KCNH7: variants seen among roughly 807,000 people sequenced by gnomAD.
KCNH7 encodes potassium voltage-gated channel subfamily H member 7.
KCNH7 carries 49 observed loss-of-function variants against 120.8 expected under a neutral mutation model. That is an observed-to-expected ratio of 0.41 (90% CI 0.32 to 0.51). The LOEUF (loss-of-function observed/expected upper bound fraction) is 0.51, where lower values mean the gene tolerates loss of function less well. Ranked by LOEUF, KCNH7 falls within the 20% of genes least tolerant of loss-of-function variation. The probability of loss-of-function intolerance (pLI) is 0.38; values close to 1 mark genes in which losing one functional copy is unlikely to be tolerated. For missense variants in KCNH7, 1,097 were observed against 1,446.6 expected, an observed-to-expected ratio of 0.76 and a Z score of 3.92; for synonymous variants, 547 against 516.1, an observed-to-expected ratio of 1.06 and a Z score of -0.81.
At chr2:162,786,632 T>C (rs1317138045) in intron 2 of KCNH7, among the ~76,000 whole-genome samples, 1 of 152,202 alleles carries the variant, frequency 6.6e-6, no homozygotes, top group Non-Finnish European at 1.5e-5. Context: ...TAAAATTATG[T>C]CTTCAATTAA....
intron 2 of KCNH7, among the ~76,000 whole-genome samples, chr2:162,833,280 TA>T (rs1410095849): frequency 1.9e-5 from 2 of 106,666 alleles, no homozygotes; most frequent in Non-Finnish European, 4.7e-5. Flanking sequence ...GGGGGCTAAC[TA>T]AAATATTTTT....
chr2:162,414,240 TA>T (rs1484693101), intron 9 of KCNH7, among the ~76,000 whole-genome samples: 3 of 152,074 alleles, frequency 2.0e-5, no homozygotes, highest in East Asian at 3.9e-4. Context: ...ATATAATCTT[TA>T]ACTCAAAAAT....
At chr2:162,783,518 C>T (rs751612747) in intron 2 of KCNH7, among the ~76,000 whole-genome samples, 5 of 152,100 alleles carry the variant, frequency 3.3e-5, no homozygotes, top group South Asian at 2.1e-4. Flanking sequence ...CTGTAGCAGA[C>T]GGAATGTGGT....
intron 2 of KCNH7, among the ~76,000 whole-genome samples, chr2:162,735,309 G>A (rs1041333107): frequency 2.0e-5 from 3 of 152,140 alleles, no homozygotes; most frequent in Non-Finnish European, 2.9e-5. Flanking sequence ...CTCCTTGTTC[G>A]GAGAGTGAAG....
chr2:162,716,240 C>T (rs927813556), intron 2 of KCNH7, among the ~76,000 whole-genome samples: 2 of 152,034 alleles, frequency 1.3e-5, no homozygotes, highest in Non-Finnish European at 1.5e-5. Context: ...ACAAGGCTCT[C>T]GTAGTTCATG....
chr2:162,470,610 C>A (rs574067318), intron 6 of KCNH7, among the ~76,000 whole-genome samples: 3 of 151,400 alleles, frequency 2.0e-5, no homozygotes, highest in Non-Finnish European at 4.4e-5. Flanking sequence ...CCGCCCCATC[C>A]GGGAGGGAGG....
intron 2 of KCNH7, among the ~76,000 whole-genome samples, chr2:162,682,102 A>G (rs999969037): frequency 6.6e-6 from 1 of 151,696 alleles, no homozygotes; most frequent in Non-Finnish European, 1.5e-5. Flanking sequence ...ATGATGTGTC[A>G]GATCTTGGAA....
In KCNH7 at chr2:162,835,922, T is replaced by G. The variant is rs556277605; in HGVS notation, c.307+615A>C. Among the ~76,000 whole-genome samples the G allele has an allele frequency of 3.1e-4, 47 of 152,202 alleles. No homozygotes were observed. The Middle Eastern group carries it at 0.01, about 33-fold the overall frequency. Reference sequence around the variant, plus strand: ...ACTAATAACTCCACAGTATCATAATTTTTTCTACATTTCTTATTTCAGGAC... The same window carrying G: ...ACTAATAACTCCACAGTATCATAATGTTTTCTACATTTCTTATTTCAGGAC... On this transcript the variant is annotated intron_variant, in intron 2 of 15. Transcript: ENST00000332142.
intron 11 of KCNH7, among the ~76,000 whole-genome samples, chr2:162,395,603 G>C (rs892237933): frequency 4.6e-5 from 7 of 151,494 alleles, no homozygotes; most frequent in African/African-American, 1.7e-4. Flanking sequence ...GAATGAGGGT[G>C]GTGACATAAA....
intron 2 of KCNH7, among the ~76,000 whole-genome samples, chr2:162,818,320 C>T (rs1384185416): frequency 6.6e-6 from 1 of 151,932 alleles, no homozygotes; most frequent in African/African-American, 2.4e-5. Context: ...TATTTATTCT[C>T]ATATATTTTT....
intron 6 of KCNH7, among the ~76,000 whole-genome samples, chr2:162,478,872 A>G (rs1558967652): frequency 6.6e-6 from 1 of 152,124 alleles, no homozygotes; most frequent in Non-Finnish European, 1.5e-5. Flanking sequence ...TATGCCCTGG[A>G]ATGCATCCCG....
intron 12 of KCNH7, among the ~76,000 whole-genome samples, chr2:162,388,020 T>C (rs1362484553): frequency 6.6e-6 from 1 of 151,788 alleles, no homozygotes; most frequent in African/African-American, 2.4e-5. Context: ...AAGAAATAAG[T>C]TGAGCAATTC....
chr2:162,527,472 C>A (rs1412158882), intron 3 of KCNH7, among the ~76,000 whole-genome samples: 8 of 151,922 alleles, frequency 5.3e-5, no homozygotes, highest in African/African-American at 1.9e-4. Flanking sequence ...TTCTTTGTTC[C>A]TTAGCTTGAG....
chr2:162,684,387 C>T (rs1288287747), intron 2 of KCNH7, among the ~76,000 whole-genome samples: 1 of 151,882 alleles, frequency 6.6e-6, no homozygotes, highest in Non-Finnish European at 1.5e-5. Context: ...TATAGCAAAA[C>T]AAACTATCAT....
At chr2:162,815,292 A>G (rs1684879544) in intron 2 of KCNH7, among the ~76,000 whole-genome samples, 1 of 152,238 alleles carries the variant, frequency 6.6e-6, no homozygotes, top group Admixed American at 6.5e-5. Context: ...AAAGATTACA[A>G]ATAGATATAA....
At chr2:162,389,326 C>T (rs942797215) in intron 12 of KCNH7, among the ~76,000 whole-genome samples, 15 of 151,938 alleles carry the variant, frequency 9.9e-5, no homozygotes, top group Non-Finnish European at 2.1e-4. Flanking sequence ...CATTCTTTAA[C>T]TACACAGGCC....
intron 2 of KCNH7, among the ~76,000 whole-genome samples, chr2:162,831,140 A>T (rs996895481): frequency 5.9e-5 from 9 of 152,166 alleles, no homozygotes; most frequent in African/African-American, 1.9e-4. Flanking sequence ...GCAATTTGGC[A>T]AATTATTCAG....
intron 2 of KCNH7, among the ~76,000 whole-genome samples, chr2:162,651,172 G>C (rs1684551916): frequency 6.6e-6 from 1 of 152,180 alleles, no homozygotes; most frequent in South Asian, 2.1e-4. Context: ...AAATGTAAGA[G>C]AGAAGTATCT....
chr2:162,572,865 G>A lies in KCNH7; in HGVS notation c.308-35785C>T, dbSNP rs538756005. ...TGAACACTGAGAACACATGGACACC[G>A]GAATGGGAACATCACACTCTGGGGA... On this transcript the variant is annotated intron_variant, in intron 2 of 15. Coordinates refer to ENST00000332142, the MANE Select transcript of KCNH7 (RefSeq NM_033272.4). Among the ~76,000 whole-genome samples the A allele has an allele frequency of 5.3e-5, 8 of 151,836 alleles. No homozygotes were observed. In the East Asian group the frequency reaches 1.4e-3, roughly 26 times the overall value.
Sources: gnomAD v4.1 joint callset for allele counts (sites outside exome capture counted in the v4.1 genomes callset) on GRCh38, gnomAD v4.1.1 for gene constraint, MANE v1.5 for transcripts, NCBI Gene and HGNC (gene_info 2026-07-23, HGNC 2026-07-21) for gene names.